HDDC2: variants seen among roughly 807,000 people sequenced by gnomAD.
HDDC2 encodes 5'-deoxynucleotidase HDDC2.
A neutral mutation model predicts 25.5 loss-of-function variants in HDDC2; 25 were observed. The ratio of observed to expected loss-of-function variants is 0.98; its 90% confidence interval spans 0.72 to 1.37. HDDC2 has a LOEUF of 1.37. HDDC2 is among the 40% of genes most tolerant of loss of function. The pLI is 0.00. For synonymous variants in HDDC2, 106 were observed against 89.7 expected, an observed-to-expected ratio of 1.18 and a Z score of -1.03; for missense variants, 264 against 253.1, an observed-to-expected ratio of 1.04 and a Z score of -0.29.
chr6:125,301,754 G>C lies in HDDC2; in HGVS notation c.84+95C>G, dbSNP rs1050696222. Reference sequence around the variant, plus strand: ...GGCGTGGCGGACGCGGCGCAGGAAGGGCAAAGACCGCCGGCCGAGCGGGGA... The same window carrying C: ...GGCGTGGCGGACGCGGCGCAGGAAGCGCAAAGACCGCCGGCCGAGCGGGGA... On this transcript the variant is annotated intron_variant, in intron 1 of 5. Transcript: ENST00000398153. 5.8e-5 allele frequency: 52 copies of C among 902,490 alleles called. No homozygotes were observed. In the African/African-American group the frequency reaches 8.5e-4, roughly 15 times the overall value. The allele number at this position is 902,490 out of a possible 1,614,324, so 55.9% of individuals were successfully genotyped here.
chr6:125,287,424 T>G (rs751518072), intron 4 of HDDC2, among the ~76,000 whole-genome samples: 2 of 152,178 alleles, frequency 1.3e-5, no homozygotes, highest in Non-Finnish European at 2.9e-5. Flanking sequence ...AAGAAAGTTA[T>G]CTTTCTAATA....
chr6:125,300,694 GAACA>G (rs773464991), intron 1 of HDDC2, 35 bp from the exon 2 acceptor site: 25 of 1,600,488 alleles, frequency 1.6e-5, no homozygotes, highest in Non-Finnish European at 1.8e-5. Context: ...AAGTTTTAAA[GAACA>G]AATATTAACT....
chr6:125,299,967 T>C (rs1798770662), intron 2 of HDDC2, among the ~76,000 whole-genome samples: 1 of 152,202 alleles, frequency 6.6e-6, no homozygotes. Context: ...TCCCCTGCTC[T>C]TACAATACTT....
chr6:125,283,606 C>G (rs988964840), intron 4 of HDDC2, among the ~76,000 whole-genome samples: 3 of 152,116 alleles, frequency 2.0e-5, no homozygotes, highest in African/African-American at 7.2e-5. Context: ...ATATAACTTA[C>G]AAGGAATGTG....
intron 3 of HDDC2, 44 bp downstream of exon 3, chr6:125,298,667 AGAG>A: frequency 1.4e-6 from 2 of 1,400,686 alleles, no homozygotes; most frequent in Non-Finnish European, 2.0e-6. Context: ...TGCTTCAGCA[AGAG>A]GTTTTTCTGG....
chr6:125,297,398 C>T (rs958849375), intron 3 of HDDC2: 1 of 392,690 alleles, frequency 2.5e-6, no homozygotes, highest in African/African-American at 2.1e-5. Context: ...AGAACACATT[C>T]CTTATACTAT....
intron 4 of HDDC2, among the ~76,000 whole-genome samples, chr6:125,287,298 T>C (rs1157692293): frequency 6.6e-6 from 1 of 152,194 alleles, no homozygotes; most frequent in East Asian, 1.9e-4. Flanking sequence ...TAGTGATGTC[T>C]GTGAAAATCA....
chr6:125,276,290 AG>A, intron 5 of HDDC2, 47 bp from the exon 6 acceptor site: 1 of 1,332,586 alleles, frequency 7.5e-7, no homozygotes, highest in Non-Finnish European at 1.1e-6. Context: ...TATTGACAAG[AG>A]AGTATATTCA....
Position 125,300,593 on chromosome 6 carries a change from A to ACATGTGATC in HDDC2, c.142_150dup (p.Asp48_Met50dup). 7 of 1,614,188 alleles carry ACATGTGATC rather than the reference A, an allele frequency of 4.3e-6. No individual in the cohort carries two copies. The highest frequency in any genetic ancestry group is 5.1e-6 in the Non-Finnish European group (6 of 1,179,998). On this transcript the variant is annotated inframe_insertion, in exon 2 of 6. Transcript: ENST00000398153. ...ACCATAGCCATAACTGCCATCCGGT[A>ACATGTGATC]CATGTGATCTGAAACGCTCTCCGGC...
intron 3 of HDDC2, among the ~76,000 whole-genome samples, chr6:125,295,066 C>T (rs796905972): frequency 1.3e-5 from 2 of 152,294 alleles, no homozygotes; most frequent in African/African-American, 4.8e-5. Flanking sequence ...ATGCCAGAAT[C>T]ATGCCTTTTT....
At chr6:125,291,632 A>G (rs1425778661) in intron 4 of HDDC2, among the ~76,000 whole-genome samples, 7 of 152,160 alleles carry the variant, frequency 4.6e-5, no homozygotes, top group African/African-American at 1.2e-4. Context: ...TCTGAATTTC[A>G]TAACTGGGGA....
intron 4 of HDDC2, among the ~76,000 whole-genome samples, chr6:125,283,986 G>C (rs1423236948): frequency 6.6e-6 from 1 of 152,052 alleles, no homozygotes; most frequent in Non-Finnish European, 1.5e-5. Context: ...CAATGGAAGA[G>C]AACAGAGGCC....
intron 3 of HDDC2, among the ~76,000 whole-genome samples, chr6:125,293,434 C>G (rs79257522): frequency 6.6e-6 from 1 of 152,090 alleles, no homozygotes; most frequent in South Asian, 2.1e-4. Context: ...TTAACATAAA[C>G]GAAGTTACAT....
At chr6:125,281,874 G>A (rs1036367184) in intron 4 of HDDC2, among the ~76,000 whole-genome samples, 2 of 152,118 alleles carry the variant, frequency 1.3e-5, no homozygotes, top group Non-Finnish European at 2.9e-5. Flanking sequence ...TCCTCAAGAA[G>A]AGCAACCCCA....
At chr6:125,300,857 G>A (rs1324373897) in intron 1 of HDDC2, among the ~76,000 whole-genome samples, 198 bp from the exon 2 acceptor site, 1 of 151,854 alleles carries the variant, frequency 6.6e-6, no homozygotes, top group Admixed American at 6.6e-5. Flanking sequence ...GAATGAAAGG[G>A]GTAGAAGACA....
At chr6:125,288,330 A>G (rs1023539640) in intron 4 of HDDC2, among the ~76,000 whole-genome samples, 1 of 152,054 alleles carries the variant, frequency 6.6e-6, no homozygotes, top group African/African-American at 2.4e-5. Context: ...GGGTGCTGGC[A>G]GCCCTGAGGC....
chr6:125,296,233 A>G (rs9491372), intron 3 of HDDC2, among the ~76,000 whole-genome samples: 68,144 of 152,094 alleles, frequency 0.45, 20,124 homozygotes, highest in African/African-American at 0.84. Flanking sequence ...AAGTATATGG[A>G]AGGGTATGTG....
At position 125,301,941 on chromosome 6, in the gene HDDC2, C is replaced by G. The variant is rs1025043100; in HGVS notation, c.-9G>C. ...GAGGAGACCGAAGCCATGCGGCCAC[C>G]GACCCCGGCTGGGCGGAGCAGGCCG... On this transcript the variant is annotated 5_prime_UTR_variant, in exon 1 of 6. Transcript: ENST00000398153. 3 of 1,546,680 alleles carry G rather than the reference C, an allele frequency of 1.9e-6. No individual in the cohort carries two copies. The highest frequency in any genetic ancestry group is 2.6e-6 in the Non-Finnish European group (3 of 1,147,544).
At position 125,290,130 on chromosome 6, in the gene HDDC2, A is replaced by G. The variant is rs187839249; in HGVS notation, c.378+2711T>C. Among the ~76,000 whole-genome samples the G allele has an allele frequency of 2.9e-3, 437 of 152,322 alleles. 2 individuals carry two copies. Among genetic ancestry groups the G allele is most frequent in the African/African-American group, 0.01 (418 of 41,566 alleles). On this transcript the variant is annotated intron_variant, in intron 4 of 5. Coordinates refer to ENST00000398153, the MANE Select transcript of HDDC2 (RefSeq NM_016063.3). ...ATCAACTGTCATTTTCTATGTAACT[A>G]ATGCTATTCTAAGCTCAGTGAGTAC... is the stretch of plus-strand genomic sequence containing the variant.
Sources: gnomAD v4.1 joint callset for allele counts (sites outside exome capture counted in the v4.1 genomes callset) on GRCh38, gnomAD v4.1.1 for gene constraint, MANE v1.5 for transcripts, NCBI Gene and HGNC (gene_info 2026-07-23, HGNC 2026-07-21) for gene names.